CNTNAP2: variants seen among roughly 807,000 people sequenced by gnomAD.
CNTNAP2 encodes contactin associated protein 2, also known as contactin-associated protein-like 2.
In CNTNAP2, 98 loss-of-function variants were observed where a neutral mutation model predicts 155.2. The ratio of observed to expected loss-of-function variants is 0.63; its 90% CI spans 0.54 to 0.75. The LOEUF (loss-of-function observed/expected upper bound fraction) is 0.75, where lower values mean the gene tolerates loss of function less well. Ranked by LOEUF, CNTNAP2 falls within the 30% of genes least tolerant of loss-of-function variation. The pLI, the probability that CNTNAP2 is intolerant of heterozygous loss-of-function variation, is 0.00. For missense variants in CNTNAP2, 1,727 were observed against 1,688.1 expected, an observed-to-expected ratio of 1.02 and a Z score of -0.40; for synonymous variants, 651 against 631.2, an observed-to-expected ratio of 1.03 and a Z score of -0.47.
intron 21 of CNTNAP2, among the ~76,000 whole-genome samples, chr7:148,292,282 C>T (rs748870791): frequency 1.3e-5 from 2 of 152,116 alleles, no homozygotes; most frequent in East Asian, 1.9e-4. Flanking sequence ...GCTTATTGAA[C>T]GCTGTGGATT....
Position 147,636,901 on chromosome 7 carries a change from G to A in CNTNAP2, c.1898-2205G>A, listed in dbSNP as rs140901472. 2.7e-3 allele frequency among the ~76,000 whole-genome samples: 414 copies of A among 152,270 alleles called. 8 individuals are homozygous for A. Among genetic ancestry groups the A allele is most frequent in the East Asian group, 0.02 (101 of 5,176 alleles). On this transcript the variant is annotated intron_variant, in intron 12 of 23. Coordinates refer to ENST00000361727, the MANE Select transcript of CNTNAP2 (RefSeq NM_014141.6). ...AGCAGCTGTAGAATAGGAAAGGAAA[G>A]GCTGGCACTGGAAGAGAAGAAGGAG...
At chr7:147,726,955 GT>G (rs544048615) in intron 13 of CNTNAP2, among the ~76,000 whole-genome samples, 19 of 151,792 alleles carry the variant, frequency 1.3e-4, no homozygotes, top group Middle Eastern at 3.4e-3. Context: ...AATTATATTA[GT>G]TTTTTTGCTG....
chr7:146,954,001 T>C (rs1434717789), intron 3 of CNTNAP2, among the ~76,000 whole-genome samples: 1 of 151,974 alleles, frequency 6.6e-6, no homozygotes, highest in African/African-American at 2.4e-5. Flanking sequence ...TCAACTATTA[T>C]TGCTTTGATA....
chr7:146,992,821 C>T (rs1321088624), intron 3 of CNTNAP2, among the ~76,000 whole-genome samples: 2 of 152,138 alleles, frequency 1.3e-5, no homozygotes, highest in African/African-American at 4.8e-5. Flanking sequence ...ACTTTGCTCT[C>T]TGAAATTTGA....
chr7:147,105,432 A>T (rs1284218456), intron 4 of CNTNAP2, among the ~76,000 whole-genome samples: 1 of 152,016 alleles, frequency 6.6e-6, no homozygotes, highest in Non-Finnish European at 1.5e-5. Flanking sequence ...AATTCTAGGG[A>T]GTGATAAGCA....
intron 1 of CNTNAP2, among the ~76,000 whole-genome samples, chr7:146,610,974 A>G (rs1799127257): frequency 6.6e-6 from 1 of 152,240 alleles, no homozygotes; most frequent in Non-Finnish European, 1.5e-5. Context: ...TTTGAATCTG[A>G]AATTTAAAAC....
rs1795612833 is a variant in CNTNAP2, at chr7:147,333,557, T to C, written c.1498+33267T>C. Among the ~76,000 whole-genome samples the C allele has an allele frequency of 2.0e-5, 3 of 152,304 alleles. No homozygotes were observed. The South Asian group carries it at 6.2e-4, about 32-fold the overall frequency. ...CCACTATTGAAGATAGTAGTAAATT[T>C]TACTTAAATTTTTGAAATATCATAC... On this transcript the variant is annotated intron_variant, in intron 9 of 23. Coordinates refer to ENST00000361727, the MANE Select transcript of CNTNAP2 (RefSeq NM_014141.6).
chr7:146,992,133 A>G (rs1280337688), intron 3 of CNTNAP2, among the ~76,000 whole-genome samples: 3 of 152,182 alleles, frequency 2.0e-5, no homozygotes, highest in Non-Finnish European at 4.4e-5. Context: ...AGTACATAGC[A>G]TCTTTTAGAT....
At chr7:147,329,802 T>C (rs1795524376) in intron 9 of CNTNAP2, among the ~76,000 whole-genome samples, 1 of 152,186 alleles carries the variant, frequency 6.6e-6, no homozygotes, top group African/African-American at 2.4e-5. Flanking sequence ...CTTCCTCTAC[T>C]CTTTTGTTAG....
intron 11 of CNTNAP2, among the ~76,000 whole-genome samples, chr7:147,503,048 A>G (rs1798847537): frequency 1.3e-5 from 2 of 152,144 alleles, no homozygotes; most frequent in Admixed American, 6.6e-5. Flanking sequence ...AAATAACCAC[A>G]TTCTTGCTGG....
chr7:146,333,940 G>A (rs1801227619), intron 1 of CNTNAP2, among the ~76,000 whole-genome samples: 1 of 152,158 alleles, frequency 6.6e-6, no homozygotes, highest in Non-Finnish European at 1.5e-5. Flanking sequence ...TCAGTCACAT[G>A]ACCATACCTA....
intron 12 of CNTNAP2, among the ~76,000 whole-genome samples, chr7:147,576,503 T>C (rs765115920): frequency 6.6e-6 from 1 of 152,056 alleles, no homozygotes; most frequent in Admixed American, 6.6e-5. Context: ...AGAAGCAGGA[T>C]TGAGTTTGCC....
chr7:148,235,410 A>G (rs1563005792), intron 20 of CNTNAP2, among the ~76,000 whole-genome samples: 1 of 152,180 alleles, frequency 6.6e-6, no homozygotes, highest in Admixed American at 6.5e-5. Flanking sequence ...TTTTAACCCA[A>G]TAAAAGTCTG....
chr7:148,098,666 C>G (rs550371739), intron 15 of CNTNAP2, among the ~76,000 whole-genome samples: 2 of 151,702 alleles, frequency 1.3e-5, no homozygotes, highest in African/African-American at 2.4e-5. Context: ...TAGACCCCAT[C>G]TCTTTAAAAA....
At chr7:148,259,857 T>C (rs1412881059) in intron 20 of CNTNAP2, among the ~76,000 whole-genome samples, 1 of 152,372 alleles carries the variant, frequency 6.6e-6, no homozygotes, top group East Asian at 1.9e-4. Flanking sequence ...TCATGGCAAA[T>C]GTTGAACAAG....
At chr7:147,338,879 T>C (rs1363205538) in intron 9 of CNTNAP2, among the ~76,000 whole-genome samples, 2 of 145,664 alleles carry the variant, frequency 1.4e-5, no homozygotes, top group Non-Finnish European at 2.9e-5. Flanking sequence ...TGAAGAGGGC[T>C]GGGGGTAGGG....
chr7:147,593,254 A>G (rs940214625), intron 12 of CNTNAP2, among the ~76,000 whole-genome samples: 11 of 149,170 alleles, frequency 7.4e-5, no homozygotes, highest in African/African-American at 2.7e-4. Flanking sequence ...TTGGCCAAAT[A>G]GTAGAACTGT....
intron 1 of CNTNAP2, among the ~76,000 whole-genome samples, chr7:146,232,093 T>G (rs1799395331): frequency 6.6e-6 from 1 of 150,864 alleles, no homozygotes; most frequent in Non-Finnish European, 1.5e-5. Context: ...TAGGAGAGGT[T>G]TTCCATGGCC....
At chr7:148,351,088 TG>T (rs769604736) in intron 21 of CNTNAP2, among the ~76,000 whole-genome samples, 51 of 152,130 alleles carry the variant, frequency 3.4e-4, no homozygotes, top group Non-Finnish European at 7.1e-4. Flanking sequence ...GCATGACAAA[TG>T]GGCAAACAAG....
Sources: allele counts gnomAD v4.1 joint callset (sites outside exome capture counted in the v4.1 genomes callset), GRCh38; gene constraint gnomAD v4.1.1; transcripts MANE v1.5; gene names NCBI Gene and HGNC (gene_info 2026-07-23, HGNC 2026-07-21).